Variants in HS6ST3 observed in about 807,000 individuals in gnomAD.
The protein encoded by HS6ST3 is heparan-sulfate 6-O-sulfotransferase 3.
HS6ST3 carries 12 observed loss-of-function variants against 36.7 expected under a neutral mutation model. The observed-to-expected ratio is 0.33, with a 90% CI of 0.21 to 0.53. The LOEUF is 0.53. HS6ST3 is among the 20% of genes least tolerant of loss of function. HS6ST3 has a pLI of 0.95. For synonymous variants in HS6ST3, 240 were observed against 257.5 expected (o/e 0.93, Z 0.65); for missense variants, 584 against 640.9 (o/e 0.91, Z 0.96).
At chr13:96,299,067 T>C (rs1039033853) in intron 1 of HS6ST3, among the ~76,000 whole-genome samples, 1 of 152,194 alleles carries the variant, frequency 6.6e-6, no homozygotes, top group African/African-American at 2.4e-5. Flanking sequence ...AAAGTCCAAA[T>C]GTACTGTTTC....
chr13:96,405,438 G>T (rs1053070347), intron 1 of HS6ST3, among the ~76,000 whole-genome samples: 2 of 152,118 alleles, frequency 1.3e-5, no homozygotes, highest in African/African-American at 4.8e-5. Flanking sequence ...AGGCCTGGAA[G>T]GAAAGGTCCT....
intron 1 of HS6ST3, among the ~76,000 whole-genome samples, chr13:96,260,602 G>A (rs1367543824): frequency 6.7e-6 from 1 of 150,220 alleles, no homozygotes; most frequent in African/African-American, 2.5e-5. Flanking sequence ...ACAGGCAGGA[G>A]CCACCGTGCC....
chr13:96,726,703 A>G (rs1876014426), intron 1 of HS6ST3, among the ~76,000 whole-genome samples: 1 of 152,202 alleles, frequency 6.6e-6, no homozygotes, highest in African/African-American at 2.4e-5. Context: ...GCCCTCTACT[A>G]TAATTTTCCA....
At chr13:96,422,163 T>C (rs2055565689) in intron 1 of HS6ST3, among the ~76,000 whole-genome samples, 2 of 152,214 alleles carry the variant, frequency 1.3e-5, no homozygotes, top group South Asian at 4.1e-4. Context: ...GTAAGAGCGA[T>C]GGCAGTCTGT....
intron 1 of HS6ST3, among the ~76,000 whole-genome samples, chr13:96,720,870 T>A (rs983879759): frequency 6.6e-6 from 1 of 152,190 alleles, no homozygotes; most frequent in African/African-American, 2.4e-5. Flanking sequence ...TCCTATAGCA[T>A]GTTTAAGGGT....
intron 1 of HS6ST3, among the ~76,000 whole-genome samples, chr13:96,372,672 G>C (rs1015273780): frequency 1.3e-5 from 2 of 152,110 alleles, no homozygotes. Flanking sequence ...TAGTGTAAGA[G>C]AAGGATCCAA....
chr13:96,167,045 A>G (rs2054164412), intron 1 of HS6ST3, among the ~76,000 whole-genome samples: 1 of 152,156 alleles, frequency 6.6e-6, no homozygotes, highest in African/African-American at 2.4e-5. Flanking sequence ...ACTGGGAGTC[A>G]ATTAAACCTC....
At chr13:96,780,736 T>A (rs1182578593) in intron 1 of HS6ST3, among the ~76,000 whole-genome samples, 1 of 152,142 alleles carries the variant, frequency 6.6e-6, no homozygotes, top group East Asian at 1.9e-4. Context: ...CTCTGCCTCC[T>A]TCTTATATGT....
intron 1 of HS6ST3, among the ~76,000 whole-genome samples, chr13:96,711,830 A>G (rs188900477): frequency 6.6e-6 from 1 of 152,066 alleles, no homozygotes; most frequent in East Asian, 1.9e-4. Context: ...TTATGGGTCC[A>G]TGTTTGTTTT....
intron 1 of HS6ST3, among the ~76,000 whole-genome samples, chr13:96,275,350 C>T (rs2054742808): frequency 6.6e-6 from 1 of 152,114 alleles, no homozygotes; most frequent in South Asian, 2.1e-4. Flanking sequence ...TCTCTTCCAC[C>T]TTTGTCATTA....
chr13:96,728,240 G>T (rs1253805537), intron 1 of HS6ST3, among the ~76,000 whole-genome samples: 1 of 152,118 alleles, frequency 6.6e-6, no homozygotes, highest in East Asian at 1.9e-4. Flanking sequence ...AGAGGTAAGT[G>T]GGATTAGTTC....
intron 1 of HS6ST3, among the ~76,000 whole-genome samples, chr13:96,654,775 C>T (rs2056619071): frequency 6.6e-6 from 1 of 152,034 alleles, no homozygotes; most frequent in Non-Finnish European, 1.5e-5. Flanking sequence ...ACTAAATATC[C>T]TGATTGAAAC....
intron 1 of HS6ST3, among the ~76,000 whole-genome samples, chr13:96,392,957 C>G (rs755075663): frequency 3.3e-5 from 5 of 152,100 alleles, no homozygotes; most frequent in African/African-American, 4.8e-5. Context: ...ATTGTAGCTC[C>G]CATAATTCCT....
chr13:96,351,519 C>T (rs1214055724), intron 1 of HS6ST3, among the ~76,000 whole-genome samples: 2 of 151,992 alleles, frequency 1.3e-5, no homozygotes, highest in Non-Finnish European at 2.9e-5. Flanking sequence ...ACTGCATTGC[C>T]CAGGCTGCTC....
At chr13:96,408,731 C>T (rs1272250525) in intron 1 of HS6ST3, among the ~76,000 whole-genome samples, 1 of 152,002 alleles carries the variant, frequency 6.6e-6, no homozygotes, top group Non-Finnish European at 1.5e-5. Context: ...TGAGACTAGC[C>T]TGGCCAACAT....
At chr13:96,792,825 C>T (rs1877822553) in intron 1 of HS6ST3, among the ~76,000 whole-genome samples, 1 of 151,986 alleles carries the variant, frequency 6.6e-6, no homozygotes, top group African/African-American at 2.4e-5. Context: ...CATTATCATG[C>T]CTCTTGTAAT....
chr13:96,427,951 T>C (rs2055595479), intron 1 of HS6ST3, among the ~76,000 whole-genome samples: 1 of 152,210 alleles, frequency 6.6e-6, no homozygotes, highest in Non-Finnish European at 1.5e-5. Flanking sequence ...TTAGGCATTT[T>C]TGGCAACAAT....
In HS6ST3 at chr13:96,465,255, C is replaced by T. The variant is rs538349236; in HGVS notation, c.708-367235C>T. Among the ~76,000 whole-genome samples, 7 of 152,110 alleles carry T rather than the reference C, an allele frequency of 4.6e-5. No homozygotes were observed. The East Asian group carries it at 1.4e-3, about 29-fold the overall frequency. ...AGCAACTAAATTACTAAGTGGAATC[C>T]CCAGAGAACTTTTGCATATTTGTAC... On this transcript the variant is annotated intron_variant, in intron 1 of 1. Transcript: ENST00000376705.
At chr13:96,246,567 T>C (rs893855317) in intron 1 of HS6ST3, among the ~76,000 whole-genome samples, 1 of 152,168 alleles carries the variant, frequency 6.6e-6, no homozygotes, top group Admixed American at 6.6e-5. Flanking sequence ...TCAAAAAAGG[T>C]TTACAAATAT....
Sources: gnomAD v4.1 joint callset for allele counts (sites outside exome capture counted in the v4.1 genomes callset) on GRCh38, gnomAD v4.1.1 for gene constraint, MANE v1.5 for transcripts, NCBI Gene and HGNC (gene_info 2026-07-23, HGNC 2026-07-21) for gene names.